The following HIVEP3 variants were observed in gnomAD, a reference collection of about 807,000 sequenced individuals.
HIVEP3 encodes the protein HIVEP zinc finger 3.
A neutral mutation model predicts 152.8 loss-of-function variants in HIVEP3; 49 were observed. The observed-to-expected ratio is 0.32, with a 90% CI of 0.26 to 0.41. The LOEUF (loss-of-function observed/expected upper bound fraction) is 0.41. Among genes scored for constraint, HIVEP3 ranks in the 10% least tolerant of loss-of-function variants. HIVEP3 has a pLI of 1.00. For missense variants in HIVEP3, 2,790 were observed against 3,103.3 expected (o/e 0.90, Z 2.40); for synonymous variants, 1,269 against 1,289.0 (o/e 0.98, Z 0.33).
intron 2 of HIVEP3, among the ~76,000 whole-genome samples, chr1:41,661,771 G>A (rs988380612): frequency 9.9e-5 from 15 of 152,238 alleles, no homozygotes; most frequent in Non-Finnish European, 2.1e-4. Context: ...GCGCCGGGGT[G>A]AGAGTCTGCG....
intron 1 of HIVEP3, among the ~76,000 whole-genome samples, chr1:41,718,311 G>A (rs1464147577): frequency 2.0e-5 from 3 of 152,242 alleles, no homozygotes; most frequent in African/African-American, 4.8e-5. Flanking sequence ...CAGACTGGCC[G>A]TGGGTCTGTA....
intron 1 of HIVEP3, among the ~76,000 whole-genome samples, chr1:41,736,041 G>A (rs1186310232): frequency 1.4e-4 from 22 of 152,184 alleles, no homozygotes; most frequent in Non-Finnish European, 2.6e-4. Context: ...CACCTCTGAA[G>A]AGCCACCTTT....
At chr1:41,557,498 C>A (rs1437613909) in intron 5 of HIVEP3, among the ~76,000 whole-genome samples, 1 of 152,118 alleles carries the variant, frequency 6.6e-6, no homozygotes, top group Non-Finnish European at 1.5e-5. Context: ...GGGGTAGGGG[C>A]ACCTGCACAG....
At chr1:41,816,775 G>T (rs574644652) in intron 1 of HIVEP3, among the ~76,000 whole-genome samples, 167 of 152,132 alleles carry the variant, frequency 1.1e-3, no homozygotes, top group Non-Finnish European at 2.0e-3. Context: ...TGGTTCTCCT[G>T]CAAGCCCCAT....
chr1:41,526,644 C>CACCCTACACACACACACTCACA, intron 5 of HIVEP3, among the ~76,000 whole-genome samples: 1 of 47,952 alleles, frequency 2.1e-5, no homozygotes, highest in South Asian at 8.3e-4. Context: ...CACCCTCACA[C>CACCCTACACACACACACTCACA]CCCCACACTC....
chr1:41,903,291 T>A lies in HIVEP3; in HGVS notation c.-801+15122A>T, dbSNP rs114118015. On this transcript the variant is annotated intron_variant, in intron 1 of 8. Coordinates refer to ENST00000372583, the MANE Select transcript of HIVEP3 (RefSeq NM_024503.5). Reference sequence around the variant, plus strand: ...GGTCACATAGGATGATGATTAAGAGTTGAGCCAGGCTCAGCAACTGCCTAG... The same window carrying A: ...GGTCACATAGGATGATGATTAAGAGATGAGCCAGGCTCAGCAACTGCCTAG... 8.7e-3 allele frequency among the ~76,000 whole-genome samples: 1,316 copies of A among 152,106 alleles called. 18 individuals carry two copies. Among genetic ancestry groups the A allele is most frequent in the African/African-American group, 0.03 (1,261 of 41,470 alleles).
At chr1:42,004,767 G>A (rs1009038465) in intron 1 of HIVEP3, among the ~76,000 whole-genome samples, 3 of 152,286 alleles carry the variant, frequency 2.0e-5, no homozygotes, top group Admixed American at 1.3e-4. Flanking sequence ...ACCCATTAGA[G>A]CTGCAAATCC....
intron 1 of HIVEP3, among the ~76,000 whole-genome samples, chr1:41,844,060 C>T (rs1194476940): frequency 6.6e-6 from 1 of 152,182 alleles, no homozygotes; most frequent in African/African-American, 2.4e-5. Flanking sequence ...TCCCTCCTCT[C>T]ATTGCCTGCT....
At chr1:41,733,148 C>A (rs1646866693) in intron 1 of HIVEP3, among the ~76,000 whole-genome samples, 1 of 152,150 alleles carries the variant, frequency 6.6e-6, no homozygotes. Flanking sequence ...GTCATTGCCC[C>A]CAGGGACTGC....
intron 1 of HIVEP3, among the ~76,000 whole-genome samples, chr1:41,976,935 G>A (rs1013670018): frequency 6.6e-6 from 1 of 152,316 alleles, no homozygotes; most frequent in South Asian, 2.1e-4. Context: ...CTGGCCTCCA[G>A]GACTGTGCAA....
intron 5 of HIVEP3, among the ~76,000 whole-genome samples, chr1:41,554,373 AGTTAGCCATTC>A: frequency 6.6e-6 from 1 of 152,160 alleles, no homozygotes; most frequent in East Asian, 1.9e-4. Flanking sequence ...TGTTTATCCT[AGTTAGCCATTC>A]GTCTAATCTT....
chr1:41,566,676 A>C (rs1471951785), intron 5 of HIVEP3, among the ~76,000 whole-genome samples: 1 of 152,142 alleles, frequency 6.6e-6, no homozygotes, highest in East Asian at 1.9e-4. Flanking sequence ...AGTCACCTGC[A>C]CAGGGCCCTG....
At chr1:41,686,210 T>C (rs1215192110) in intron 2 of HIVEP3, among the ~76,000 whole-genome samples, 3 of 152,180 alleles carry the variant, frequency 2.0e-5, no homozygotes, top group Non-Finnish European at 4.4e-5. Flanking sequence ...TAGCTGGGAC[T>C]ACAGGCACAC....
intron 2 of HIVEP3, among the ~76,000 whole-genome samples, chr1:41,676,835 C>T (rs141661599): frequency 6.3e-4 from 96 of 152,304 alleles, no homozygotes; most frequent in African/African-American, 2.2e-3. Flanking sequence ...TGGCCCAAGA[C>T]GGGCCAATCA....
chr1:41,608,908 TAAAAATACCAAAAA>T (rs963043677), intron 3 of HIVEP3, among the ~76,000 whole-genome samples: 1 of 98,288 alleles, frequency 1.0e-5, no homozygotes, highest in African/African-American at 4.9e-5. Context: ...CTGTCTCTAC[TAAAAATACCAAAAA>T]AAAAAAAAAA....
chr1:41,948,465 GTCTTAC>G (rs2124489694), intron 1 of HIVEP3, among the ~76,000 whole-genome samples: 1 of 152,260 alleles, frequency 6.6e-6, no homozygotes, highest in South Asian at 2.1e-4. Context: ...AGAGGTGGCA[GTCTTAC>G]ACTGCCAGAG....
chr1:41,589,003 G>A (rs751957912), intron 3 of HIVEP3, among the ~76,000 whole-genome samples: 4 of 152,202 alleles, frequency 2.6e-5, no homozygotes, highest in Admixed American at 2.6e-4. Flanking sequence ...AATGTGGTGC[G>A]GCATAAACCG....
chr1:41,814,952 A>G lies in HIVEP3; in HGVS notation c.-801+103461T>C, dbSNP rs1158778296. Among the ~76,000 whole-genome samples, 3 of 152,262 alleles carry G rather than the reference A, an allele frequency of 2.0e-5. No individual in the cohort carries two copies. The East Asian group carries it at 5.8e-4, about 29-fold the overall frequency. ...CTGCTCTGGGTTTTGGAGATACAGCAGTAATCAGGACAGATAAGGTTCCTG... is the reference window on the plus strand; with the variant it reads ...CTGCTCTGGGTTTTGGAGATACAGCGGTAATCAGGACAGATAAGGTTCCTG... On this transcript the variant is annotated intron_variant, in intron 1 of 8. Coordinates refer to ENST00000372583, the MANE Select transcript of HIVEP3 (RefSeq NM_024503.5).
chr1:41,579,685 G>A (rs577624115), intron 4 of HIVEP3, 52 bp downstream of exon 4: 43 of 1,508,922 alleles, frequency 2.8e-5, no homozygotes, highest in East Asian at 2.5e-4. Context: ...TTAAAAGCTC[G>A]CCAAGTGCTT....
Sources: gnomAD v4.1 joint callset for allele counts (sites outside exome capture counted in the v4.1 genomes callset) on GRCh38, gnomAD v4.1.1 for gene constraint, MANE v1.5 for transcripts, NCBI Gene and HGNC (gene_info 2026-07-23, HGNC 2026-07-21) for gene names.